SGPP2: variants seen among roughly 807,000 people sequenced by gnomAD.
SGPP2 encodes the protein sphingosine-1-phosphate phosphatase 2.
A neutral mutation model predicts 33.9 loss-of-function variants in SGPP2; 30 were observed. That is an observed-to-expected ratio of 0.89 (90% CI 0.66 to 1.20). The LOEUF is 1.20. SGPP2 is among the 50% of genes most tolerant of loss of function. The probability of loss-of-function intolerance (pLI) is 0.00; values close to 1 mark genes in which losing one functional copy is unlikely to be tolerated. For synonymous variants in SGPP2, 233 were observed against 225.0 expected, an observed-to-expected ratio of 1.04 and a Z score of -0.32; for missense variants, 458 against 532.1, an observed-to-expected ratio of 0.86 and a Z score of 1.37.
chr2:222,436,283 A>G (rs890100642), intron 1 of SGPP2, among the ~76,000 whole-genome samples: 1 of 152,226 alleles, frequency 6.6e-6, no homozygotes, highest in African/African-American at 2.4e-5. Flanking sequence ...ATAATGTCAC[A>G]GGAACAGGAA....
Position 222,470,711 on chromosome 2 carries a change from G to A in SGPP2, c.220-3857G>A, listed in dbSNP as rs112864251. On this transcript the variant is annotated intron_variant, in intron 1 of 4. Transcript: ENST00000321276. ...TTGGGTATCATGAAATGATAGCAGC[G>A]AGGCTTTTGTTAGAGTTCGGCAAAA... Among the ~76,000 whole-genome samples, 1,273 of 152,286 alleles carry A rather than the reference G, an allele frequency of 8.4e-3. 11 individuals carry two copies. Among genetic ancestry groups the A allele is most frequent in the Middle Eastern group, 0.041 (12 of 294 alleles).
chr2:222,521,619 C>A, intron 2 of SGPP2, 148 bp from the exon 3 acceptor site: 1 of 739,836 alleles, frequency 1.4e-6, no homozygotes, highest in South Asian at 2.2e-5. Flanking sequence ...ACTAAAATAT[C>A]CTACAAGACT....
rs768163753 is a variant in SGPP2, at chr2:222,558,437, C to A, written c.739C>A (p.Pro247Thr). The change falls in exon 5 of 5, where the codon CCC (proline) becomes ACC (threonine). Residue 247 changes from proline to threonine, a missense_variant. By Grantham distance (38) the Pro-to-Thr change is conservative. Coordinates refer to ENST00000321276, the MANE Select transcript of SGPP2 (RefSeq NM_152386.4). ...CATCGACTGCCTGGACTCGGCCAGC[C>A]CCCTCTTCCCCGTGTGTGTCATAGT... ...TFIDCLDSAS[P>T]LFPVCVIVVP... 1.2e-6 allele frequency: 2 copies of A among 1,614,190 alleles called. No individual in the cohort carries two copies. Among genetic ancestry groups the A allele is most frequent in the South Asian group, 1.1e-5 (1 of 91,086 alleles).
intron 1 of SGPP2, among the ~76,000 whole-genome samples, chr2:222,425,589 G>A (rs532400525): frequency 3.2e-4 from 49 of 152,324 alleles, no homozygotes; most frequent in South Asian, 1.7e-3. Flanking sequence ...AGGGACTTTA[G>A]GCAGCAGGGA....
intron 2 of SGPP2, among the ~76,000 whole-genome samples, chr2:222,517,509 C>T (rs1698623094): frequency 6.6e-6 from 1 of 152,330 alleles, no homozygotes; most frequent in South Asian, 2.1e-4. Context: ...ACCTTCACCA[C>T]TCAATAAAAC....
chr2:222,527,781 A>C (rs931853952), intron 4 of SGPP2, among the ~76,000 whole-genome samples: 2 of 152,228 alleles, frequency 1.3e-5, no homozygotes, highest in Non-Finnish European at 2.9e-5. Flanking sequence ...AGAATGGCCT[A>C]GGGTGCAATG....
intron 4 of SGPP2, among the ~76,000 whole-genome samples, chr2:222,558,139 A>T (rs550585949): frequency 5.9e-5 from 9 of 152,362 alleles, no homozygotes; most frequent in African/African-American, 2.2e-4. Flanking sequence ...AAGATACGTA[A>T]CATGAGTAGT....
At chr2:222,438,844 C>T (rs1477921488) in intron 1 of SGPP2, among the ~76,000 whole-genome samples, 2 of 152,188 alleles carry the variant, frequency 1.3e-5, no homozygotes, top group African/African-American at 4.8e-5. Flanking sequence ...TTTTGATTTA[C>T]TATTTTTCTA....
rs145350643 is a variant in SGPP2 at position 222,502,641 on chromosome 2, CT to C, written c.379-19125del. ...TATAATATGCGCTGTAGATAGGCTG[CT>C]GTTCACAATGTTGATTTCTAACATC... On this transcript the variant is annotated intron_variant, in intron 2 of 4. Coordinates refer to ENST00000321276, the MANE Select transcript of SGPP2 (RefSeq NM_152386.4). Among the ~76,000 whole-genome samples the C allele has an allele frequency of 4.4e-3, 677 of 152,320 alleles. 7 individuals carry two copies. Among genetic ancestry groups the C allele is most frequent in the African/African-American group, 0.015 (639 of 41,570 alleles).
chr2:222,536,104 G>T (rs1365428226), intron 4 of SGPP2, among the ~76,000 whole-genome samples: 1 of 152,186 alleles, frequency 6.6e-6, no homozygotes, highest in African/African-American at 2.4e-5. Context: ...TTCCATAGGA[G>T]CCAGGCTCCG....
chr2:222,554,127 T>C (rs1689346760), intron 4 of SGPP2, among the ~76,000 whole-genome samples: 1 of 152,190 alleles, frequency 6.6e-6, no homozygotes, highest in South Asian at 2.1e-4. Flanking sequence ...TGACACAAAA[T>C]TCAAAAGGTA....
rs576366582 is a variant in SGPP2, at chr2:222,455,905, A to C, written c.220-18663A>C. ...CAACAGAGTGAGACCCTGTTTCTAC[A>C]AAAGTTTTTAAAAATTAAAAAATAT... On this transcript the variant is annotated intron_variant, in intron 1 of 4. Coordinates refer to ENST00000321276, the MANE Select transcript of SGPP2 (RefSeq NM_152386.4). 2.6e-4 allele frequency among the ~76,000 whole-genome samples: 39 copies of C among 152,250 alleles called. 1 individual carries two copies. In the South Asian group the frequency reaches 5.6e-3, roughly 22 times the overall value.
At chr2:222,441,945 G>A (rs1697331250) in intron 1 of SGPP2, among the ~76,000 whole-genome samples, 1 of 152,096 alleles carries the variant, frequency 6.6e-6, no homozygotes, top group Non-Finnish European at 1.5e-5. Context: ...AAACAAAATG[G>A]TACCCCCATG....
chr2:222,433,372 A>C (rs1574827859), intron 1 of SGPP2, among the ~76,000 whole-genome samples: 4 of 152,048 alleles, frequency 2.6e-5, no homozygotes, highest in Non-Finnish European at 4.4e-5. Flanking sequence ...GAATGTGCTG[A>C]TCCCTACTAC....
intron 4 of SGPP2, among the ~76,000 whole-genome samples, chr2:222,541,357 T>C (rs1698993814): frequency 1.3e-5 from 2 of 152,152 alleles, no homozygotes; most frequent in Admixed American, 6.5e-5. Context: ...AGACATGCTG[T>C]TTTATGCTTT....
chr2:222,452,748 A>G, intron 1 of SGPP2: 1 of 1,447,834 alleles, frequency 6.9e-7, no homozygotes. Flanking sequence ...AGTCGTGTTC[A>G]CCAGGCATTC....
chr2:222,553,971 G>A (rs965293643), intron 4 of SGPP2, among the ~76,000 whole-genome samples: 31 of 152,130 alleles, frequency 2.0e-4, no homozygotes, highest in African/African-American at 6.8e-4. Context: ...CAGAGCTTCA[G>A]GGGTGAGATT....
chr2:222,541,385 A>C (rs1294416115), intron 4 of SGPP2, among the ~76,000 whole-genome samples: 6 of 152,128 alleles, frequency 3.9e-5, no homozygotes, highest in Non-Finnish European at 8.8e-5. Flanking sequence ...TCATTTAATA[A>C]ATGGAAGGAC....
At chr2:222,443,227 T>A (rs894982490) in intron 1 of SGPP2, among the ~76,000 whole-genome samples, 1 of 152,224 alleles carries the variant, frequency 6.6e-6, no homozygotes, top group Non-Finnish European at 1.5e-5. Context: ...ACTAATTTTT[T>A]AAAATTTAAT....
Sources: allele counts gnomAD v4.1 joint callset (sites outside exome capture counted in the v4.1 genomes callset), GRCh38; gene constraint gnomAD v4.1.1; transcripts MANE v1.5; gene names NCBI Gene and HGNC (gene_info 2026-07-23, HGNC 2026-07-21).